The following ZNF567 variants were observed in gnomAD, a reference collection of about 807,000 sequenced individuals.
ZNF567 encodes the protein zinc finger protein 567.
In ZNF567, 36 loss-of-function variants were observed where a neutral mutation model predicts 53.9. The ratio of observed to expected loss-of-function variants is 0.67; its 90% confidence interval spans 0.51 to 0.88. ZNF567 has a LOEUF of 0.88. Among genes scored for constraint, ZNF567 ranks in the 40% least tolerant of loss-of-function variants. ZNF567 has a pLI of 0.00. For missense variants in ZNF567, 619 were observed against 764.7 expected, an observed-to-expected ratio of 0.81 and a Z score of 2.25; for synonymous variants, 224 against 260.4, an observed-to-expected ratio of 0.86 and a Z score of 1.35.
At chr19:36,680,741 T>A in the ZNF567 span, among the ~76,000 whole-genome samples, 1 of 152,184 alleles carries the variant, frequency 6.6e-6, no homozygotes, top group Non-Finnish European at 1.5e-5. Context: ...TTGCCTCTTT[T>A]TCTGGTGGCT....
intron 2 of ZNF567, among the ~76,000 whole-genome samples, chr19:36,689,809 T>C (rs1436079612): frequency 6.6e-6 from 1 of 152,182 alleles, no homozygotes; most frequent in Non-Finnish European, 1.5e-5. Flanking sequence ...CCACTTTGGT[T>C]CCTGGTGGCC....
chr19:36,673,417 C>T, the ZNF567 span, among the ~76,000 whole-genome samples: 4 of 152,162 alleles, frequency 2.6e-5, no homozygotes, highest in African/African-American at 9.7e-5. Context: ...GAGAGTAACA[C>T]TTAAATCAGT....
intron 2 of ZNF567, among the ~76,000 whole-genome samples, chr19:36,694,378 A>C (rs916117925): frequency 2.0e-5 from 3 of 152,212 alleles, no homozygotes; most frequent in Admixed American, 2.0e-4. Context: ...AAAACTAGAA[A>C]CTAGAACCAC....
intron 3 of ZNF567, among the ~76,000 whole-genome samples, chr19:36,708,601 T>C (rs1178410565): frequency 6.6e-6 from 1 of 152,202 alleles, no homozygotes; most frequent in Non-Finnish European, 1.5e-5. Context: ...TTCACTGCCC[T>C]AAAAATCCTC....
At chr19:36,682,580 T>A in the ZNF567 span, among the ~76,000 whole-genome samples, 3 of 149,298 alleles carry the variant, frequency 2.0e-5, no homozygotes, top group African/African-American at 4.9e-5. Context: ...GCATGGGTTT[T>A]TTTTTTATTA....
Position 36,702,712 on chromosome 19 carries a change from C to T in ZNF567, c.9+7836C>T, listed in dbSNP as rs538936339. ...ATTGATACCCTTTCTTCCAGTTGAT[C>T]GCATCGGCTCCTGAGGCTTCTGCAT... On this transcript the variant is annotated intron_variant, in intron 3 of 5. Transcript: ENST00000682579. Among the ~76,000 whole-genome samples the T allele has an allele frequency of 1.5e-3, 221 of 152,270 alleles. 1 individual carries two copies. The highest frequency in any genetic ancestry group is 5.1e-3 in the African/African-American group (213 of 41,558).
chr19:36,676,883 C>T, the ZNF567 span, among the ~76,000 whole-genome samples: 29 of 152,010 alleles, frequency 1.9e-4, no homozygotes, highest in African/African-American at 6.5e-4. Context: ...GGGCCGGGCG[C>T]GGTGGCTCAT....
chr19:36,681,159 G>T, the ZNF567 span, among the ~76,000 whole-genome samples: 1 of 152,016 alleles, frequency 6.6e-6, no homozygotes, highest in Admixed American at 6.6e-5. Flanking sequence ...AAGAGACAGG[G>T]TCTTGCTTGT....
intron 3 of ZNF567, among the ~76,000 whole-genome samples, chr19:36,700,611 G>T (rs1449856048): frequency 1.3e-5 from 2 of 151,962 alleles, no homozygotes; most frequent in East Asian, 1.9e-4. Flanking sequence ...TCCTGTTATT[G>T]GTCTATTCAG....
intron 3 of ZNF567, among the ~76,000 whole-genome samples, chr19:36,707,614 G>A (rs983516512): frequency 4.6e-5 from 7 of 151,922 alleles, no homozygotes; most frequent in African/African-American, 1.7e-4. Flanking sequence ...TTTTACTCTT[G>A]TCGCTCAGGC....
At chr19:36,723,952 T>G (rs2040323313), downstream of ZNF567, among the ~76,000 whole-genome samples, 1 of 151,990 alleles carries the variant, frequency 6.6e-6, no homozygotes, top group Admixed American at 6.6e-5. Context: ...GAAAAACTGA[T>G]GAGTTTCTTA....
chr19:36,725,125 T>A (rs1339084283), downstream of ZNF567, among the ~76,000 whole-genome samples: 2 of 152,302 alleles, frequency 1.3e-5, no homozygotes, highest in East Asian at 3.9e-4. Context: ...TCTGCTATTT[T>A]AATTTTTTTC....
chr19:36,726,449 G>T (rs945945910), downstream of ZNF567, among the ~76,000 whole-genome samples: 1 of 152,152 alleles, frequency 6.6e-6, no homozygotes, highest in Non-Finnish European at 1.5e-5. Context: ...TGCCACATAG[G>T]GGGTGAGAAT....
chr19:36,720,764 T>C lies in ZNF567; in HGVS notation c.*96T>C, dbSNP rs1043044918. The C allele has an allele frequency of 9.0e-7, 1 of 1,116,050 alleles. No homozygotes were observed. The highest frequency in any genetic ancestry group is 1.6e-5 in the African/African-American group (1 of 63,802). 69.1% of individuals were successfully genotyped at this position (1,116,050 alleles called of 1,614,324 possible). A position where few individuals can be genotyped will look rare whatever the true frequency, so the allele number is the denominator to read the frequency against. On this transcript the variant is annotated 3_prime_UTR_variant, in exon 6 of 6. Coordinates refer to ENST00000682579, the MANE Select transcript of ZNF567 (RefSeq NM_001322917.1). ...TGAAACATGTTAATGTAATTTTAAA[T>C]CACAAGTCTAATAATTATTAAAGTA...
At chr19:36,714,085 A>C (rs1299148925) in intron 5 of ZNF567, among the ~76,000 whole-genome samples, 2 of 152,160 alleles carry the variant, frequency 1.3e-5, no homozygotes, top group Admixed American at 1.3e-4. Context: ...ATCTTTTTCC[A>C]GCCTTCTCAG....
Position 36,720,118 on chromosome 19 carries a change from T to G in ZNF567, c.1394T>G (p.Val465Gly), listed in dbSNP as rs1360320404. The G allele has an allele frequency of 6.2e-7, 1 of 1,613,790 alleles. No individual in the cohort carries two copies. Among genetic ancestry groups the G allele is most frequent in the African/African-American group, 1.3e-5 (1 of 74,916 alleles). ...GKSFRQKTTL[V>G]AHQRTHTGEK... is the part of the protein sequence containing the mutation. Reference sequence around the variant, plus strand: ...TCCTTCCGCCAGAAGACAACCCTTGTAGCACATCAGAGAACACATACAGGG... The same window carrying G: ...TCCTTCCGCCAGAAGACAACCCTTGGAGCACATCAGAGAACACATACAGGG... The change falls in exon 6 of 6, where the codon GTA (valine) becomes GGA (glycine). Residue 465 changes from valine to glycine, a missense_variant. Physicochemically the swap from Val to Gly is moderately radical, Grantham distance 109 (BLOSUM62 -3). Coordinates refer to ENST00000682579, the MANE Select transcript of ZNF567 (RefSeq NM_001322917.1).
downstream of ZNF567, among the ~76,000 whole-genome samples, chr19:36,726,055 T>A (rs1281890977): frequency 6.6e-6 from 1 of 152,244 alleles, no homozygotes; most frequent in Admixed American, 6.5e-5. Flanking sequence ...TTGCTCTGTC[T>A]CCTCTGTTTC....
chr19:36,712,973 G>T, intron 5 of ZNF567, 106 bp downstream of exon 5: 1 of 891,338 alleles, frequency 1.1e-6, no homozygotes. Flanking sequence ...TTTTTTTAAA[G>T]GCTCTTGACC....
chr19:36,725,823 A>G (rs917687266), downstream of ZNF567, among the ~76,000 whole-genome samples: 24 of 152,004 alleles, frequency 1.6e-4, no homozygotes, highest in African/African-American at 5.6e-4. Context: ...TAACTTCTAT[A>G]TTTTTTACAG....
Sources: allele counts gnomAD v4.1 joint callset (sites outside exome capture counted in the v4.1 genomes callset), GRCh38; gene constraint gnomAD v4.1.1; transcripts MANE v1.5; gene names NCBI Gene and HGNC (gene_info 2026-07-23, HGNC 2026-07-21).